Variants in C1GALT1 observed in about 807,000 individuals in gnomAD.
The protein encoded by C1GALT1 is core 1 synthase, glycoprotein-N-acetylgalactosamine 3-beta-galactosyltransferase 1.
A neutral mutation model predicts 31.0 loss-of-function variants in C1GALT1; 11 were observed. The ratio of observed to expected loss-of-function variants is 0.36; its 90% CI spans 0.22 to 0.59. C1GALT1 has a LOEUF of 0.59. C1GALT1 is among the 20% of genes least tolerant of loss of function. The pLI, the probability that C1GALT1 is intolerant of heterozygous loss-of-function variation, is 0.79. For missense variants in C1GALT1, 424 were observed against 425.2 expected, an observed-to-expected ratio of 1.00 and a Z score of 0.03; for synonymous variants, 175 against 143.6, an observed-to-expected ratio of 1.22 and a Z score of -1.56.
intron 1 of C1GALT1, among the ~76,000 whole-genome samples, chr7:7,194,903 G>A (rs1167323562): frequency 6.6e-6 from 1 of 151,962 alleles, no homozygotes; most frequent in Non-Finnish European, 1.5e-5. Flanking sequence ...TAATCTAGGA[G>A]GGTTGTATGT....
chr7:7,179,046 A>G (rs902425240), upstream of C1GALT1, among the ~76,000 whole-genome samples: 8 of 152,204 alleles, frequency 5.3e-5, no homozygotes, highest in African/African-American at 1.7e-4. Flanking sequence ...GCTCACTCAC[A>G]TGGCTCTTGT....
At chr7:7,197,706 C>G (rs533076983) in intron 1 of C1GALT1, among the ~76,000 whole-genome samples, 181 of 152,202 alleles carry the variant, frequency 1.2e-3, no homozygotes, top group Non-Finnish European at 1.9e-3. Context: ...TTTGTGTCCT[C>G]TTTTATTTTG....
chr7:7,229,306 C>T (rs1455547140), intron 1 of C1GALT1, among the ~76,000 whole-genome samples: 1 of 152,092 alleles, frequency 6.6e-6, no homozygotes, highest in African/African-American at 2.4e-5. Context: ...TGCTGTAAGG[C>T]AAAGTGTTAG....
rs5010182 is a variant in C1GALT1, at chr7:7,246,562, A to G, written c.*2835A>G. 12,186 of 152,110 alleles carry G rather than the reference A, an allele frequency of 0.08. 764 individuals carry two copies. The highest frequency in any genetic ancestry group is 0.18 in the East Asian group (911 of 5,182). The allele number at this position is 152,110 out of a possible 1,614,324, so 9.4% of individuals were successfully genotyped here. A position where few individuals can be genotyped will look rare whatever the true frequency, so the allele number is the denominator to read the frequency against. The stretch of plus-strand genomic sequence containing the variant: ...CAGATACCTTGGGCAGTGACTGTCA[A>G]AAGTCTGGTCCCAACAAACAGCATT... On this transcript the variant is annotated 3_prime_UTR_variant, in exon 4 of 4. Transcript: ENST00000436587.
chr7:7,167,583 T>G (rs540691078), intron 2 of C1GALT1, among the ~76,000 whole-genome samples: 1 of 151,892 alleles, frequency 6.6e-6, no homozygotes, highest in Non-Finnish European at 1.5e-5. Flanking sequence ...TTTTTTTTGT[T>G]GTTCATTTTT....
At chr7:7,185,078 G>C (rs1184783673) in intron 1 of C1GALT1, among the ~76,000 whole-genome samples, 1 of 152,104 alleles carries the variant, frequency 6.6e-6, no homozygotes, top group Non-Finnish European at 1.5e-5. Context: ...TAATATGTGA[G>C]AATAGGAAGA....
At chr7:7,189,634 A>T (rs747398894) in intron 1 of C1GALT1, among the ~76,000 whole-genome samples, 19 of 151,946 alleles carry the variant, frequency 1.3e-4, no homozygotes, top group Non-Finnish European at 2.5e-4. Flanking sequence ...CTGTACATTA[A>T]AAAAATATAT....
chr7:7,179,808 TG>T (rs1206692355), upstream of C1GALT1, among the ~76,000 whole-genome samples: 12 of 146,874 alleles, frequency 8.2e-5, no homozygotes, highest in Non-Finnish European at 1.6e-4. Context: ...TTTGTTATTA[TG>T]GGTGAAATAT....
chr7:7,222,872 T>C (rs1039709413), intron 1 of C1GALT1, among the ~76,000 whole-genome samples: 5 of 149,050 alleles, frequency 3.4e-5, no homozygotes, highest in African/African-American at 1.0e-4. Context: ...TTTTGTATTA[T>C]AATTCAATCT....
At chr7:7,234,209 AC>A (rs1232181188) in intron 1 of C1GALT1, 93 bp from the exon 2 acceptor site, 1 of 881,388 alleles carries the variant, frequency 1.1e-6, no homozygotes, top group African/African-American at 1.7e-5. Context: ...TTAGAAATTA[AC>A]TTTCCGTTAT....
intron 1 of C1GALT1, among the ~76,000 whole-genome samples, chr7:7,213,211 A>G (rs896492337): frequency 2.0e-5 from 3 of 152,170 alleles, no homozygotes; most frequent in Admixed American, 1.3e-4. Flanking sequence ...TAAAGTCCTT[A>G]ATATAGCTTG....
intron 2 of C1GALT1, among the ~76,000 whole-genome samples, chr7:7,170,516 C>G (rs545228571): frequency 1.3e-5 from 2 of 152,362 alleles, no homozygotes; most frequent in Admixed American, 6.5e-5. Context: ...GGCATAGTGG[C>G]TCATGCCTGT....
chr7:7,218,982 C>A (rs1408128580), intron 1 of C1GALT1, among the ~76,000 whole-genome samples: 2 of 151,866 alleles, frequency 1.3e-5, no homozygotes, highest in Non-Finnish European at 2.9e-5. Flanking sequence ...TACAGGCGCC[C>A]GCCACCACAC....
At chr7:7,240,310 C>G (rs945370357) in intron 3 of C1GALT1, among the ~76,000 whole-genome samples, 2 of 152,170 alleles carry the variant, frequency 1.3e-5, no homozygotes, top group Admixed American at 1.3e-4. Context: ...ATTACTCTAG[C>G]CCAAAATGTC....
chr7:7,186,894 G>C (rs964506508), intron 1 of C1GALT1, among the ~76,000 whole-genome samples: 1 of 152,220 alleles, frequency 6.6e-6, no homozygotes, highest in African/African-American at 2.4e-5. Flanking sequence ...CAGATTGTGG[G>C]TAGATCCTTG....
At chr7:7,232,677 A>G (rs565109939) in intron 1 of C1GALT1, among the ~76,000 whole-genome samples, 32 of 152,176 alleles carry the variant, frequency 2.1e-4, no homozygotes, top group African/African-American at 7.7e-4. Context: ...TTTAGTAGAG[A>G]TGGGGTTTCA....
chr7:7,183,716 CA>C, intron 1 of C1GALT1: 1 of 502,410 alleles, frequency 2.0e-6, no homozygotes, highest in Non-Finnish European at 2.6e-6. Context: ...GTATCAGCAA[CA>C]AAAAACCCAC....
At chr7:7,169,631 G>A (rs1032011916) in intron 2 of C1GALT1, among the ~76,000 whole-genome samples, 70 of 151,948 alleles carry the variant, frequency 4.6e-4, no homozygotes, top group African/African-American at 1.6e-3. Flanking sequence ...TAATAACTAA[G>A]GATGTTGAAC....
At chr7:7,237,323 G>A (rs4141100) in intron 2 of C1GALT1, among the ~76,000 whole-genome samples, 110,959 of 152,042 alleles carry the variant, frequency 0.73, 41,962 homozygotes, top group East Asian at 0.94. Flanking sequence ...CACTTTGTCA[G>A]CTGTTTGTCT....
Sources: gnomAD v4.1 joint callset for allele counts (sites outside exome capture counted in the v4.1 genomes callset) on GRCh38, gnomAD v4.1.1 for gene constraint, MANE v1.5 for transcripts, NCBI Gene and HGNC (gene_info 2026-07-23, HGNC 2026-07-21) for gene names.